The following PSMA8 variants were observed in gnomAD, a reference collection of about 807,000 sequenced individuals.
The protein encoded by PSMA8 is proteasome 20S subunit alpha 8.
Under a neutral mutation model 32.4 loss-of-function variants are expected in PSMA8, and 18 were observed. The observed-to-expected ratio is 0.56, with a 90% CI of 0.38 to 0.82. The LOEUF is 0.82. PSMA8 is among the 40% of genes least tolerant of loss of function. The probability of loss-of-function intolerance (pLI) is 0.00; values close to 1 mark genes in which losing one functional copy is unlikely to be tolerated. For missense variants in PSMA8, 298 were observed against 300.7 expected, an observed-to-expected ratio of 0.99 and a Z score of 0.07; for synonymous variants, 104 against 98.1, an observed-to-expected ratio of 1.06 and a Z score of -0.36.
intron 3 of PSMA8, among the ~76,000 whole-genome samples, chr18:26,156,518 G>A (rs1447939750): frequency 2.0e-5 from 3 of 152,006 alleles, no homozygotes; most frequent in Non-Finnish European, 4.4e-5. Flanking sequence ...TAACGTGAAT[G>A]AGCCTGGAGG....
At chr18:26,139,622 T>C (rs2054938525) in intron 1 of PSMA8, among the ~76,000 whole-genome samples, 1 of 152,236 alleles carries the variant, frequency 6.6e-6, no homozygotes, top group African/African-American at 2.4e-5. Flanking sequence ...AAATGCATAC[T>C]CTTGAGTACC....
At chr18:26,189,620 C>G (rs889399463) in intron 6 of PSMA8, among the ~76,000 whole-genome samples, 1 of 152,104 alleles carries the variant, frequency 6.6e-6, no homozygotes, top group South Asian at 2.1e-4. Context: ...GTTAAAATGG[C>G]TTATATCTAA....
chr18:26,156,841 C>A (rs993182156), intron 3 of PSMA8, among the ~76,000 whole-genome samples: 2 of 151,230 alleles, frequency 1.3e-5, no homozygotes, highest in African/African-American at 4.8e-5. Flanking sequence ...GGCTGGAGTG[C>A]AGTGGCATGA....
chr18:26,183,313 A>C lies in PSMA8; in HGVS notation c.660+4183A>C, dbSNP rs572040664. Among the ~76,000 whole-genome samples the C allele has an allele frequency of 1.3e-4, 20 of 150,248 alleles. No homozygotes were observed. The South Asian group carries it at 4.2e-3, about 31-fold the overall frequency. The stretch of plus-strand genomic sequence containing the variant: ...AGGCTAAGGCAGGAGAATCGCTTGA[A>C]CCTGGGAGGCAGAGGTTGCCGTGAG... On this transcript the variant is annotated intron_variant, in intron 6 of 6. Transcript: ENST00000415576.
In PSMA8 at chr18:26,143,808, G is replaced by C. The variant is rs111513051; in HGVS notation, c.103-751G>C. 2.0e-3 allele frequency among the ~76,000 whole-genome samples: 311 copies of C among 152,090 alleles called. 2 individuals carry two copies. The highest frequency in any genetic ancestry group is 7.3e-3 in the African/African-American group (301 of 41,484). ...GCAATCTCTGCTTACTGCAAGCTCT[G>C]CTTCCTGGGTTCCAGCGATTCTCCT... On this transcript the variant is annotated intron_variant, in intron 1 of 6. Coordinates refer to ENST00000415576, the MANE Select transcript of PSMA8 (RefSeq NM_001025096.2).
At chr18:26,190,936 G>T (rs1457445179) in intron 6 of PSMA8, among the ~76,000 whole-genome samples, 1 of 152,088 alleles carries the variant, frequency 6.6e-6, no homozygotes, top group African/African-American at 2.4e-5. Flanking sequence ...AGAGCCCATG[G>T]AACTCCTAGT....
At chr18:26,171,793 A>G (rs1437603192) in intron 4 of PSMA8, among the ~76,000 whole-genome samples, 1 of 152,190 alleles carries the variant, frequency 6.6e-6, no homozygotes, top group Admixed American at 6.5e-5. Context: ...TTGATTTTAC[A>G]CTACTTACAT....
chr18:26,192,366 G>T lies in PSMA8; in HGVS notation c.708G>T (p.Lys236Asn). ...AATTATATGTAACTGAAATAGAAAAGGAAAAGGAAGAAGCAGAGAAGAAAA... is the reference window on the plus strand; with the variant it reads ...AATTATATGTAACTGAAATAGAAAATGAAAAGGAAGAAGCAGAGAAGAAAA... ...EVELYVTEIE[K>N]EKEEAEKKKS... The change falls in exon 7 of 7, where the codon AAG becomes AAT. Residue 236 changes from lysine to asparagine, a missense_variant. Transcript: ENST00000415576. 1 of 1,520,214 alleles carries T rather than the reference G, an allele frequency of 6.6e-7. No homozygotes were observed. 94.2% of individuals were successfully genotyped at this position (1,520,214 alleles called of 1,614,324 possible). A position where few individuals can be genotyped will look rare whatever the true frequency, so the allele number is the denominator to read the frequency against.
intron 4 of PSMA8, among the ~76,000 whole-genome samples, chr18:26,177,669 TA>T (rs2055274388): frequency 6.6e-6 from 1 of 152,190 alleles, no homozygotes; most frequent in Non-Finnish European, 1.5e-5. Context: ...TGAAAATGTG[TA>T]AAGAACAAAG....
At chr18:26,158,280 T>G in intron 4 of PSMA8, 36 bp downstream of exon 4, 1 of 1,502,248 alleles carries the variant, frequency 6.7e-7, no homozygotes, top group African/African-American at 1.4e-5. Context: ...TTTTAGAAGT[T>G]TAGTAAATAT....
At chr18:26,187,433 A>C (rs777117588) in intron 6 of PSMA8, among the ~76,000 whole-genome samples, 1 of 152,182 alleles carries the variant, frequency 6.6e-6, no homozygotes, top group African/African-American at 2.4e-5. Flanking sequence ...CTTACTTATC[A>C]ATAATAACAT....
intron 3 of PSMA8, among the ~76,000 whole-genome samples, chr18:26,157,279 G>A (rs922051022): frequency 1.3e-5 from 2 of 151,700 alleles, no homozygotes; most frequent in South Asian, 2.1e-4. Context: ...TAGACCGGGC[G>A]CGGTGGCTCA....
intron 2 of PSMA8, among the ~76,000 whole-genome samples, 196 bp from the exon 3 acceptor site, chr18:26,151,662 G>A (rs1386224296): frequency 6.6e-6 from 1 of 151,988 alleles, no homozygotes; most frequent in East Asian, 1.9e-4. Context: ...AATAAGAATG[G>A]ATCAACTTAA....
Position 26,140,020 on chromosome 18 carries a change from A to G in PSMA8, c.103-4539A>G, listed in dbSNP as rs576760849. The G allele has an allele frequency of 1.5e-4, 102 of 702,682 alleles. No homozygotes were observed. In the African/African-American group the frequency reaches 1.6e-3, roughly 11 times the overall value. The allele number at this position is 702,682 out of a possible 1,614,324, so 43.5% of individuals were successfully genotyped here. A position where few individuals can be genotyped will look rare whatever the true frequency, so the allele number is the denominator to read the frequency against. On this transcript the variant is annotated intron_variant, in intron 1 of 6. Coordinates refer to ENST00000415576, the MANE Select transcript of PSMA8 (RefSeq NM_001025096.2). ...TTTGTCAAGAAATTCATAGATCTCC[A>G]TACTTTATTTTCTTCCTTTGGTAGT... is the stretch of plus-strand genomic sequence containing the variant.
chr18:26,142,988 A>G (rs1241236238), intron 1 of PSMA8, among the ~76,000 whole-genome samples: 4 of 152,240 alleles, frequency 2.6e-5, no homozygotes, highest in African/African-American at 9.6e-5. Flanking sequence ...AAACTTTTAC[A>G]GAATTTTATC....
chr18:26,167,481 A>C (rs1010320398), intron 4 of PSMA8, among the ~76,000 whole-genome samples: 1 of 152,172 alleles, frequency 6.6e-6, no homozygotes, highest in African/African-American at 2.4e-5. Flanking sequence ...TTATATTAAC[A>C]TGTGTTATAG....
Position 26,158,239 on chromosome 18 carries a change from T to A in PSMA8, c.472T>A (p.Trp158Arg), listed in dbSNP as rs780196940. ...QTDPSGTYHA[W>R]KANAIGRSAK... ...AGATCCTTCTGGTACTTATCATGCT[T>A]GGAAGGTGAGTCATGAATTTATTAA... Residue 158 changes from tryptophan to arginine, a missense_variant, in exon 4 of 7, where the codon TGG becomes AGG. Coordinates refer to ENST00000415576, the MANE Select transcript of PSMA8 (RefSeq NM_001025096.2). 2 of 1,595,742 alleles carry A rather than the reference T, an allele frequency of 1.3e-6. No individual in the cohort carries two copies. The highest frequency in any genetic ancestry group is 3.5e-5 in the Admixed American group (2 of 56,382).
chr18:26,170,168 A>G (rs2055209935), intron 4 of PSMA8, among the ~76,000 whole-genome samples: 1 of 114,508 alleles, frequency 8.7e-6, no homozygotes, highest in African/African-American at 5.9e-5. Flanking sequence ...GATTTCTGGT[A>G]TGACCTAGCA....
intron 4 of PSMA8, among the ~76,000 whole-genome samples, chr18:26,161,040 C>G (rs1350335483): frequency 6.6e-6 from 1 of 152,200 alleles, no homozygotes; most frequent in Non-Finnish European, 1.5e-5. Flanking sequence ...GAAAACAAAT[C>G]ATACTGTCAT....
Sources: gnomAD v4.1 joint callset for allele counts (sites outside exome capture counted in the v4.1 genomes callset) on GRCh38, gnomAD v4.1.1 for gene constraint, MANE v1.5 for transcripts, NCBI Gene and HGNC (gene_info 2026-07-23, HGNC 2026-07-21) for gene names.